Variants in TRHDE observed in about 807,000 individuals in gnomAD.
The protein encoded by TRHDE is thyrotropin-releasing hormone-degrading ectoenzyme.
Under a neutral mutation model 125.7 loss-of-function variants are expected in TRHDE, and 72 were observed. That is an observed-to-expected ratio of 0.57 (90% CI 0.47 to 0.70). The LOEUF (loss-of-function observed/expected upper bound fraction) is 0.70. TRHDE is among the 30% of genes least tolerant of loss of function. TRHDE has a pLI of 0.00. For synonymous variants in TRHDE, 509 were observed against 509.1 expected, an observed-to-expected ratio of 1.00 and a Z score of 0.00; for missense variants, 1,110 against 1,327.1, an observed-to-expected ratio of 0.84 and a Z score of 2.54.
At chr12:72,483,835 G>T (rs1343162131) in intron 5 of TRHDE, among the ~76,000 whole-genome samples, 2 of 151,872 alleles carry the variant, frequency 1.3e-5, no homozygotes, top group Non-Finnish European at 2.9e-5. Flanking sequence ...TAGGTTATTT[G>T]ATAGATTGAC....
intron 3 of TRHDE, among the ~76,000 whole-genome samples, chr12:72,417,258 A>C (rs1044596453): frequency 1.3e-5 from 2 of 152,062 alleles, no homozygotes; most frequent in Non-Finnish European, 2.9e-5. Flanking sequence ...TGTAGTAATC[A>C]CAAACAGGCT....
At chr12:72,597,065 C>T (rs1393702642) in intron 12 of TRHDE, among the ~76,000 whole-genome samples, 2 of 152,130 alleles carry the variant, frequency 1.3e-5, no homozygotes, top group African/African-American at 2.4e-5. Flanking sequence ...CCTTTGCCAA[C>T]CAGTTTTATT....
At chr12:72,370,121 C>T (rs1487770557) in intron 2 of TRHDE, among the ~76,000 whole-genome samples, 1 of 152,060 alleles carries the variant, frequency 6.6e-6, no homozygotes, top group Non-Finnish European at 1.5e-5. Context: ...TCATGTGTTC[C>T]AGCAGGTCAC....
At chr12:72,475,213 G>T (rs539616160) in intron 5 of TRHDE, among the ~76,000 whole-genome samples, 88 of 152,176 alleles carry the variant, frequency 5.8e-4, no homozygotes, top group Admixed American at 2.0e-3. Flanking sequence ...ATTTCCAAAA[G>T]TATCTTTTGG....
chr12:72,619,779 G>C (rs886313894), intron 13 of TRHDE, among the ~76,000 whole-genome samples: 1 of 152,000 alleles, frequency 6.6e-6, no homozygotes, highest in Non-Finnish European at 1.5e-5. Context: ...TTTAGTTAGC[G>C]TAAGAGCCTG....
chr12:72,231,570 A>G (rs1878246575), intron 2 of TRHDE, among the ~76,000 whole-genome samples: 1 of 152,200 alleles, frequency 6.6e-6, no homozygotes, highest in Non-Finnish European at 1.5e-5. Flanking sequence ...TAGAGCCCAG[A>G]AAATGCAGAA....
At chr12:72,400,134 A>G (rs1348658838) in intron 3 of TRHDE, among the ~76,000 whole-genome samples, 3 of 152,130 alleles carry the variant, frequency 2.0e-5, no homozygotes, top group Non-Finnish European at 2.9e-5. Context: ...AATATAGAGT[A>G]GATACCTATA....
At chr12:72,365,930 C>T (rs1467704378) in intron 2 of TRHDE, among the ~76,000 whole-genome samples, 1 of 152,110 alleles carries the variant, frequency 6.6e-6, no homozygotes, top group African/African-American at 2.4e-5. Flanking sequence ...TTCCCTGCCT[C>T]TCCAGCTTCT....
At chr12:72,521,367 A>T (rs1047675073) in intron 6 of TRHDE, among the ~76,000 whole-genome samples, 9 of 152,190 alleles carry the variant, frequency 5.9e-5, no homozygotes, top group African/African-American at 2.2e-4. Flanking sequence ...CCAACAGCAT[A>T]AGGAGCTCAG....
At chr12:72,348,604 G>C (rs1263632454) in intron 2 of TRHDE, among the ~76,000 whole-genome samples, 1 of 151,910 alleles carries the variant, frequency 6.6e-6, no homozygotes, top group Non-Finnish European at 1.5e-5. Flanking sequence ...AGAGAAGCTA[G>C]GACTTCTTTC....
intron 2 of TRHDE, among the ~76,000 whole-genome samples, chr12:72,244,686 C>T (rs375352859): frequency 1.3e-5 from 2 of 151,826 alleles, no homozygotes; most frequent in South Asian, 4.2e-4. Flanking sequence ...TTATTGAAGG[C>T]AGTATGACAG....
rs374092652 is a variant in TRHDE, at chr12:72,404,811, C to T, written c.1315+26690C>T. Among the ~76,000 whole-genome samples the T allele has an allele frequency of 7.3e-4, 111 of 152,216 alleles. 2 individuals are homozygous for T. The South Asian group carries it at 0.02, about 28-fold the overall frequency. ...AGCCAAACCATATCACCAGAGTATGCGGGTTAAAAGTCTTACCTCTGCTAC... is the reference window on the plus strand; with the variant it reads ...AGCCAAACCATATCACCAGAGTATGTGGGTTAAAAGTCTTACCTCTGCTAC... On this transcript the variant is annotated intron_variant, in intron 3 of 18. Transcript: ENST00000261180.
chr12:72,099,448 G>A (rs1310966337), intron 1 of TRHDE, among the ~76,000 whole-genome samples: 1 of 152,098 alleles, frequency 6.6e-6, no homozygotes, highest in Non-Finnish European at 1.5e-5. Context: ...TTTTGTTCTT[G>A]GATTTTGATA....
intron 15 of TRHDE, among the ~76,000 whole-genome samples, chr12:72,630,444 C>T (rs1234715923): frequency 6.6e-6 from 1 of 151,552 alleles, no homozygotes; most frequent in African/African-American, 2.4e-5. Flanking sequence ...CAGGATAAAC[C>T]CACCATGGTT....
chr12:72,096,825 G>T (rs1460713727), intron 1 of TRHDE, among the ~76,000 whole-genome samples: 1 of 152,206 alleles, frequency 6.6e-6, no homozygotes, highest in Non-Finnish European at 1.5e-5. Context: ...CAAAGACCTA[G>T]TCTTCCTCAC....
intron 3 of TRHDE, among the ~76,000 whole-genome samples, chr12:72,443,143 C>T (rs757709576): frequency 6.6e-6 from 1 of 151,284 alleles, no homozygotes. Flanking sequence ...CATTGTACTA[C>T]AATAGTATTC....
chr12:72,118,925 G>C (rs954634244), intron 2 of TRHDE, among the ~76,000 whole-genome samples: 1 of 151,596 alleles, frequency 6.6e-6, no homozygotes, highest in Admixed American at 6.6e-5. Flanking sequence ...ATTTATTTGG[G>C]TCTTTTCTCT....
intron 2 of TRHDE, among the ~76,000 whole-genome samples, chr12:72,184,026 A>AG (rs1877150745): frequency 6.6e-6 from 1 of 152,254 alleles, no homozygotes; most frequent in African/African-American, 2.4e-5. Flanking sequence ...ACAAATGTTT[A>AG]GGAACCACCC....
chr12:72,440,697 A>T (rs1045113058), intron 3 of TRHDE, among the ~76,000 whole-genome samples: 2 of 151,880 alleles, frequency 1.3e-5, no homozygotes, highest in African/African-American at 2.4e-5. Flanking sequence ...TCAGGATTCA[A>T]TAGGTAGCCT....
Sources: allele counts gnomAD v4.1 joint callset (sites outside exome capture counted in the v4.1 genomes callset), GRCh38; gene constraint gnomAD v4.1.1; transcripts MANE v1.5; gene names NCBI Gene and HGNC (gene_info 2026-07-23, HGNC 2026-07-21).